The following MPHOSPH8 variants were observed in gnomAD, a reference collection of about 807,000 sequenced individuals.
The protein encoded by MPHOSPH8 is M-phase phosphoprotein 8, also known as M-phase phosphoprotein, mpp.
MPHOSPH8 carries 45 observed loss-of-function variants against 87.3 expected under a neutral mutation model. That is an observed-to-expected ratio of 0.52 (90% CI 0.41 to 0.66). MPHOSPH8 has a LOEUF of 0.66. Ranked by LOEUF, MPHOSPH8 falls within the 30% of genes least tolerant of loss-of-function variation. MPHOSPH8 has a pLI of 0.00. For missense variants in MPHOSPH8, 883 were observed against 1,020.2 expected (o/e 0.87, Z 1.83); for synonymous variants, 366 against 376.9 (o/e 0.97, Z 0.33).
chr13:19,645,153 T>C (rs1874500092), intron 2 of MPHOSPH8, among the ~76,000 whole-genome samples: 1 of 152,110 alleles, frequency 6.6e-6, no homozygotes, highest in South Asian at 2.1e-4. Flanking sequence ...CCTTGCCCAG[T>C]GCACAGCAGG....
Position 19,666,360 on chromosome 13 carries a change from A to G in MPHOSPH8, c.2020-65A>G. 9.5e-6 allele frequency: 14 copies of G among 1,470,984 alleles called. No individual in the cohort carries two copies. The South Asian group carries it at 1.8e-4, about 19-fold the overall frequency. The allele number at this position is 1,470,984 out of a possible 1,614,324, so 91.1% of individuals were successfully genotyped here. A position where few individuals can be genotyped will look rare whatever the true frequency, so the allele number is the denominator to read the frequency against. On this transcript the variant is annotated intron_variant, in intron 9 of 13. Transcript: ENST00000361479. ...ACAGAACCGCTAAGCATGTATGGAG[A>G]AGGGACCAGCACCCATGCCACAGTT...
At chr13:19,668,618 A>G in intron 11 of MPHOSPH8, 87 bp downstream of exon 11, 2 of 1,375,960 alleles carry the variant, frequency 1.5e-6, no homozygotes, top group Non-Finnish European at 2.0e-6. Flanking sequence ...TCTTGGAACA[A>G]AACTTTAAGG....
In MPHOSPH8 at chr13:19,658,989, T is replaced by G. The variant is rs1310766535; in HGVS notation, c.1577-6T>G. On this transcript the variant is annotated splice_polypyrimidine_tract_variant and splice_region_variant and intron_variant, in intron 5 of 13. Coordinates refer to ENST00000361479, the MANE Select transcript of MPHOSPH8 (RefSeq NM_017520.4). ...TGTATGTTAACAAGGCTATTGTGTGTTCCAGATGGCAGGCAGCAGATTCTG... is the reference window on the plus strand; with the variant it reads ...TGTATGTTAACAAGGCTATTGTGTGGTCCAGATGGCAGGCAGCAGATTCTG... 1.2e-6 allele frequency: 2 copies of G among 1,611,698 alleles called. No individual in the cohort carries two copies. The highest frequency in any genetic ancestry group is 1.7e-6 in the Non-Finnish European group (2 of 1,179,534).
Position 19,659,012 on chromosome 13 carries a change from C to CT in MPHOSPH8, c.1595dup (p.Ser533GlufsTer21). 6.2e-7 allele frequency: 1 copy of CT among 1,613,410 alleles called. No individual in the cohort carries two copies. Among genetic ancestry groups the CT allele is most frequent in the Non-Finnish European group, 8.5e-7 (1 of 1,179,904 alleles). ...TGTTCCAGATGGCAGGCAGCAGATT[C>CT]TGAGTTTGGGCATGGACCTGCAGTT... On this transcript the variant is annotated frameshift_variant, in exon 6 of 14. Coordinates refer to ENST00000361479, the MANE Select transcript of MPHOSPH8 (RefSeq NM_017520.4). LOFTEE classifies it high-confidence loss of function.
At chr13:19,648,731 T>C (rs1276737675) in intron 4 of MPHOSPH8, among the ~76,000 whole-genome samples, 2 of 151,650 alleles carry the variant, frequency 1.3e-5, no homozygotes, top group African/African-American at 4.9e-5. Context: ...TATAGCAAGA[T>C]GCTAAATTTT....
chr13:19,662,434 T>G (rs868652641), intron 8 of MPHOSPH8, among the ~76,000 whole-genome samples: 2 of 152,090 alleles, frequency 1.3e-5, no homozygotes, highest in Middle Eastern at 6.8e-3. Flanking sequence ...ATTTTAAAAA[T>G]TTTTGTAAAG....
intron 4 of MPHOSPH8, among the ~76,000 whole-genome samples, chr13:19,649,724 A>G (rs1218122486): frequency 6.6e-6 from 1 of 152,182 alleles, no homozygotes; most frequent in African/African-American, 2.4e-5. Flanking sequence ...CACTGCCTTC[A>G]GTAGGCCTTT....
Position 19,646,440 on chromosome 13 carries a change from T to C in MPHOSPH8, c.370-3T>C, listed in dbSNP as rs1479869249. The C allele has an allele frequency of 1.4e-6, 2 of 1,467,004 alleles. No individual in the cohort carries two copies. Among genetic ancestry groups the C allele is most frequent in the Admixed American group, 2.6e-5 (1 of 37,832 alleles). 90.9% of individuals were successfully genotyped at this position (1,467,004 alleles called of 1,614,324 possible). A position where few individuals can be genotyped will look rare whatever the true frequency, so the allele number is the denominator to read the frequency against. On this transcript the variant is annotated splice_polypyrimidine_tract_variant and splice_region_variant and intron_variant, in intron 2 of 13. Transcript: ENST00000361479. ...ATATTTTAATCTGTTTTGTATTTTA[T>C]AGAGACTATCCTTAAATAACGACAT... is the stretch of plus-strand genomic sequence containing the variant.
In MPHOSPH8 at chr13:19,642,040, G is replaced by GTTTTTT. The variant is rs35022508; in HGVS notation, c.214-64_214-59dup. The GTTTTTT allele has an allele frequency of 1.7e-4, 97 of 555,696 alleles. 4 individuals are homozygous for GTTTTTT. The highest frequency in any genetic ancestry group is 8.7e-4 in the South Asian group (12 of 13,768). The allele number at this position is 555,696 out of a possible 1,614,324, so 34.4% of individuals were successfully genotyped here. Reference sequence around the variant, plus strand: ...CAAGTTCTTTCATGTCTTCTCATCAGTTTTTTTTTTTTTTTTGGAAATTTA... The same window carrying GTTTTTT: ...CAAGTTCTTTCATGTCTTCTCATCAGTTTTTTTTTTTTTTTTTTTTTTGGAAATTTA... On this transcript the variant is annotated intron_variant, in intron 1 of 13. Transcript: ENST00000361479.
chr13:19,670,738 T>C (rs1044274342), intron 12 of MPHOSPH8: 1 of 1,188,662 alleles, frequency 8.4e-7, no homozygotes, highest in Non-Finnish European at 1.1e-6. Flanking sequence ...GTACTGTATA[T>C]TGCTGGGGGC....
chr13:19,648,827 A>G (rs1266245096), intron 4 of MPHOSPH8, among the ~76,000 whole-genome samples: 3 of 152,150 alleles, frequency 2.0e-5, no homozygotes, highest in Non-Finnish European at 2.9e-5. Context: ...GATCACTTCA[A>G]GATAGACCAT....
At position 19,646,984 on chromosome 13, in the gene MPHOSPH8, TG is replaced by T. The variant is rs770988403; in HGVS notation, c.915del (p.Leu306TrpfsTer9). 2 of 1,593,664 alleles carry T rather than the reference TG, an allele frequency of 1.3e-6. No homozygotes were observed. Among genetic ancestry groups the T allele is most frequent in the Non-Finnish European group, 1.7e-6 (2 of 1,174,802 alleles). The part of the protein sequence containing the change: ...KSARERAGQD[M>X]GLEHGFEKPL... ...GCAAGAGAGAGAGCAGGGCAGGACA[TG>T]GGGCTGGAGCATGGCTTTGAGAAGC... On this transcript the variant is annotated frameshift_variant, in exon 3 of 14. Transcript: ENST00000361479. LOFTEE classifies it high-confidence loss of function.
intron 7 of MPHOSPH8, chr13:19,660,875 A>G (rs1057115238): frequency 1.9e-5 from 18 of 963,572 alleles, no homozygotes; most frequent in Non-Finnish European, 1.9e-5. Flanking sequence ...AGAAAATTTG[A>G]TCGTATGCCC....
chr13:19,652,456 G>T (rs1422123541), intron 5 of MPHOSPH8, among the ~76,000 whole-genome samples: 1 of 152,160 alleles, frequency 6.6e-6, no homozygotes, highest in African/African-American at 2.4e-5. Context: ...ATTCCCTCTG[G>T]TGGCTATGCC....
intron 9 of MPHOSPH8, among the ~76,000 whole-genome samples, chr13:19,663,774 G>C (rs1181366640): frequency 2.6e-5 from 4 of 152,204 alleles, no homozygotes; most frequent in Non-Finnish European, 4.4e-5. Flanking sequence ...GGCCGGCTCA[G>C]CTCCCTGTGG....
intron 9 of MPHOSPH8, 142 bp from the exon 10 acceptor site, chr13:19,666,283 G>C: frequency 2.6e-6 from 2 of 759,108 alleles, no homozygotes; most frequent in Non-Finnish European, 4.1e-6. Context: ...GCTGTGGCCT[G>C]ACGGGCCCCA....
chr13:19,651,068 G>A (rs1874819574), intron 5 of MPHOSPH8, among the ~76,000 whole-genome samples: 1 of 152,212 alleles, frequency 6.6e-6, no homozygotes, highest in Non-Finnish European at 1.5e-5. Context: ...AGATACAGTA[G>A]GGGAACATCA....
At chr13:19,671,791 A>G in intron 13 of MPHOSPH8, 43 bp from the exon 14 acceptor site, 1 of 1,592,154 alleles carries the variant, frequency 6.3e-7, no homozygotes, top group Non-Finnish European at 8.6e-7. Flanking sequence ...AGAAAGGGGA[A>G]ATCTGGATCT....
At position 19,650,203 on chromosome 13, in the gene MPHOSPH8, G is replaced by A. The variant is rs1423701145; in HGVS notation, c.1519G>A (p.Ala507Thr). Residue 507 changes from alanine to threonine, a missense_variant, in exon 5 of 14, where the codon GCT (alanine) becomes ACT (threonine). Coordinates refer to ENST00000361479, the MANE Select transcript of MPHOSPH8 (RefSeq NM_017520.4). ...CGAAACGGATACTTGGGCATACATT[G>A]CTGCAGAAGGTGATCAGGAGGTTTT... ...RDETDTWAYI[A>T]AEGDQEVLDS... is the part of the protein sequence containing the mutation. The A allele has an allele frequency of 6.2e-7, 1 of 1,614,134 alleles. No homozygotes were observed. The highest frequency in any genetic ancestry group is 2.2e-5 in the East Asian group (1 of 44,878).
Sources: allele counts gnomAD v4.1 joint callset (sites outside exome capture counted in the v4.1 genomes callset), GRCh38; gene constraint gnomAD v4.1.1; transcripts MANE v1.5; gene names NCBI Gene and HGNC (gene_info 2026-07-23, HGNC 2026-07-21).